The following DUSP16 variants were observed in gnomAD, a reference collection of about 807,000 sequenced individuals.
The protein encoded by DUSP16 is dual specificity phosphatase 16, also known as dual specificity protein phosphatase 16.
DUSP16 carries 21 observed loss-of-function variants against 58.3 expected under a neutral mutation model. The observed-to-expected ratio is 0.36, with a 90% CI of 0.26 to 0.52. DUSP16 has a LOEUF of 0.52. Ranked by LOEUF, DUSP16 falls within the 20% of genes least tolerant of loss-of-function variation. DUSP16 has a pLI of 0.94. For synonymous variants in DUSP16, 320 were observed against 323.8 expected (o/e 0.99, Z 0.12); for missense variants, 726 against 819.0 (o/e 0.89, Z 1.39).
intron 5 of DUSP16, among the ~76,000 whole-genome samples, chr12:12,482,429 C>A (rs1048834891): frequency 6.6e-6 from 1 of 152,096 alleles, no homozygotes; most frequent in Non-Finnish European, 1.5e-5. Flanking sequence ...TTGATGACGT[C>A]TTTTAAAAAT....
intron 1 of DUSP16, among the ~76,000 whole-genome samples, chr12:12,529,819 C>T (rs1944360062): frequency 6.6e-6 from 1 of 152,180 alleles, no homozygotes; most frequent in African/African-American, 2.4e-5. Flanking sequence ...TTTCACTTAA[C>T]ACAATGTCCT....
intron 1 of DUSP16, among the ~76,000 whole-genome samples, chr12:12,538,519 T>C (rs1055335043): frequency 1.3e-5 from 2 of 152,216 alleles, no homozygotes; most frequent in African/African-American, 4.8e-5. Flanking sequence ...GGAGTGTGCT[T>C]TCCACAACCC....
chr12:12,512,408 T>G (rs1415992084), intron 3 of DUSP16, among the ~76,000 whole-genome samples: 2 of 152,194 alleles, frequency 1.3e-5, no homozygotes, highest in African/African-American at 4.8e-5. Context: ...GTAGTCACCA[T>G]GCTGTACAAT....
intron 1 of DUSP16, among the ~76,000 whole-genome samples, chr12:12,557,251 C>T (rs887185218): frequency 2.0e-4 from 30 of 151,956 alleles, no homozygotes; most frequent in Non-Finnish European, 3.4e-4. Context: ...GTCAGGAGAT[C>T]GAGACCATCC....
intron 4 of DUSP16, among the ~76,000 whole-genome samples, chr12:12,497,454 G>C (rs563707616): frequency 9.1e-4 from 138 of 152,144 alleles, no homozygotes; most frequent in Non-Finnish European, 1.8e-3. Flanking sequence ...CAGCAGCCTC[G>C]GTTTACATTT....
intron 5 of DUSP16, 73 bp downstream of exon 5, chr12:12,486,955 G>C (rs1405040238): frequency 4.5e-6 from 7 of 1,539,146 alleles, no homozygotes; most frequent in Non-Finnish European, 6.2e-6. Flanking sequence ...AAGAAAAAAT[G>C]GGGGGCTGAG....
intron 1 of DUSP16, among the ~76,000 whole-genome samples, chr12:12,533,485 G>C (rs1944421594): frequency 6.6e-6 from 1 of 152,190 alleles, no homozygotes; most frequent in African/African-American, 2.4e-5. Flanking sequence ...AAATAACTCT[G>C]GGGCCTCAAA....
chr12:12,484,616 ATTTT>A (rs1291500853), intron 5 of DUSP16, among the ~76,000 whole-genome samples: 1 of 151,732 alleles, frequency 6.6e-6, no homozygotes, highest in South Asian at 2.1e-4. Context: ...ACCGTAATTT[ATTTT>A]TTTTATTTTT....
chr12:12,544,924 T>C (rs1360033198), intron 1 of DUSP16, among the ~76,000 whole-genome samples: 1 of 152,210 alleles, frequency 6.6e-6, no homozygotes, highest in African/African-American at 2.4e-5. Context: ...ATTTTAATCA[T>C]AAATTAGTAT....
At chr12:12,490,269 A>G (rs75556339) in intron 4 of DUSP16, among the ~76,000 whole-genome samples, 2,008 of 152,332 alleles carry the variant, frequency 0.013, 53 homozygotes, top group African/African-American at 0.045. Flanking sequence ...AATAATTTCA[A>G]TGGCTTTATT....
chr12:12,557,418 C>T (rs948565781), intron 1 of DUSP16, among the ~76,000 whole-genome samples: 1 of 148,700 alleles, frequency 6.7e-6, no homozygotes, highest in Admixed American at 6.8e-5. Context: ...GATGGCGCCA[C>T]TGCACTCCAG....
rs183298078 is a variant in DUSP16 at position 12,548,959 on chromosome 12, G to A, written c.-366+13158C>T. ...ATGAAAAGCAGAGACTAGGGTGACA[G>A]ACCCCAAGCTGAAAAACCCCTAGGG... On this transcript the variant is annotated intron_variant, in intron 1 of 6. Transcript: ENST00000298573. Among the ~76,000 whole-genome samples the A allele has an allele frequency of 4.6e-5, 7 of 152,230 alleles. No homozygotes were observed. In the East Asian group the frequency reaches 1.4e-3, roughly 29 times the overall value.
chr12:12,543,639 TTATTA>T (rs1329185351), intron 1 of DUSP16, among the ~76,000 whole-genome samples: 2 of 151,622 alleles, frequency 1.3e-5, no homozygotes, highest in African/African-American at 4.9e-5. Context: ...GCTAAATATA[TTATTA>T]TATCAATGTA....
At chr12:12,522,507 G>A (rs1229210281) in intron 1 of DUSP16, among the ~76,000 whole-genome samples, 2 of 151,966 alleles carry the variant, frequency 1.3e-5, no homozygotes, top group Non-Finnish European at 1.5e-5. Context: ...CTGCTTATAT[G>A]AAATCCTCTA....
chr12:12,480,245 T>C lies in DUSP16; in HGVS notation c.793A>G (p.Met265Val), dbSNP rs2136188971. 1 of 1,614,174 alleles carries C rather than the reference T, an allele frequency of 6.2e-7. No individual in the cohort carries two copies. The highest frequency in any genetic ancestry group is 2.2e-5 in the East Asian group (1 of 44,878). ...CACCTGTAAGCTTCATCTAAAGACA[T>C]GTCCATCCTCTTCATGATGTAGGCG... The part of the protein sequence containing the change: ...AIAYIMKRMD[M>V]SLDEAYRFVK... The change falls in exon 6 of 7, where the codon ATG becomes GTG. Residue 265 changes from methionine (M) to valine (V), a missense_variant. Coordinates refer to ENST00000298573, the MANE Select transcript of DUSP16 (RefSeq NM_030640.3).
intron 3 of DUSP16, among the ~76,000 whole-genome samples, chr12:12,517,357 A>G (rs1449071998): frequency 1.3e-5 from 2 of 152,252 alleles, no homozygotes; most frequent in African/African-American, 4.8e-5. Context: ...AATTGTCTCC[A>G]GTGACCTTGT....
At chr12:12,557,036 C>T (rs993480989) in intron 1 of DUSP16, among the ~76,000 whole-genome samples, 4 of 151,914 alleles carry the variant, frequency 2.6e-5, no homozygotes, top group African/African-American at 4.8e-5. Flanking sequence ...AGAATATAGC[C>T]CAATACGTGA....
At chr12:12,518,504 T>C (rs1394664261) in intron 3 of DUSP16, among the ~76,000 whole-genome samples, 5 of 149,772 alleles carry the variant, frequency 3.3e-5, no homozygotes, top group Non-Finnish European at 5.9e-5. Flanking sequence ...CAGGGCAAAA[T>C]TCTGTCTCAA....
chr12:12,546,181 C>T lies in DUSP16; in HGVS notation c.-366+15936G>A, dbSNP rs1322758865. 2.6e-5 allele frequency among the ~76,000 whole-genome samples: 4 copies of T among 151,716 alleles called. No individual in the cohort carries two copies. In the East Asian group the frequency reaches 5.8e-4, roughly 22 times the overall value. On this transcript the variant is annotated intron_variant, in intron 1 of 6. Coordinates refer to ENST00000298573, the MANE Select transcript of DUSP16 (RefSeq NM_030640.3). ...ATCATTTGGGGGGGAAATTCTGCAC[C>T]CTCTGGATAATGATTATGTTAATGA...
Sources: gnomAD v4.1 joint callset for allele counts (sites outside exome capture counted in the v4.1 genomes callset) on GRCh38, gnomAD v4.1.1 for gene constraint, MANE v1.5 for transcripts, NCBI Gene and HGNC (gene_info 2026-07-23, HGNC 2026-07-21) for gene names.